Variants in NCKAP5 observed in about 807,000 individuals in gnomAD.
NCKAP5 encodes NCK associated protein 5.
Under a neutral mutation model 167.0 loss-of-function variants are expected in NCKAP5, and 92 were observed. The observed-to-expected ratio is 0.55, with a 90% CI of 0.47 to 0.66. NCKAP5 has a LOEUF of 0.66. Among genes scored for constraint, NCKAP5 ranks in the 30% least tolerant of loss-of-function variants. The pLI, the probability that NCKAP5 is intolerant of heterozygous loss-of-function variation, is 0.00. For missense variants in NCKAP5, 2,378 were observed against 2,315.0 expected (o/e 1.03, Z -0.56); for synonymous variants, 891 against 877.4 (o/e 1.02, Z -0.27).
At chr2:133,647,376 A>AAAGG in the NCKAP5 span, among the ~76,000 whole-genome samples, 14,136 of 82,292 alleles carry the variant, frequency 0.17, 1,626 homozygotes, top group East Asian at 0.21. Flanking sequence ...AGGAAGAAAG[A>AAAGG]AAGGAAGGAA....
chr2:132,707,447 C>G (rs1688469742), intron 19 of NCKAP5, among the ~76,000 whole-genome samples: 1 of 152,210 alleles, frequency 6.6e-6, no homozygotes, highest in African/African-American at 2.4e-5. Context: ...AGGACTGCAA[C>G]TCTTGGGCAA....
intron 11 of NCKAP5, among the ~76,000 whole-genome samples, chr2:132,800,946 C>CT (rs1684983783): frequency 6.6e-6 from 1 of 152,200 alleles, no homozygotes; most frequent in South Asian, 2.1e-4. Context: ...CCTTGGCCCT[C>CT]TTCTTTCTGG....
chr2:132,706,073 G>A (rs1008923752), intron 19 of NCKAP5, among the ~76,000 whole-genome samples: 1 of 151,872 alleles, frequency 6.6e-6, no homozygotes, highest in African/African-American at 2.4e-5. Context: ...TACAAATATA[G>A]TTATATACAT....
intron 6 of NCKAP5, among the ~76,000 whole-genome samples, chr2:133,056,271 C>G (rs2079798030): frequency 6.6e-6 from 1 of 152,090 alleles, no homozygotes; most frequent in South Asian, 2.1e-4. Context: ...TTCCTAAATT[C>G]CAACATTCAT....
chr2:133,049,562 AAAAAAG>A (rs2079534143), intron 6 of NCKAP5, among the ~76,000 whole-genome samples: 1 of 151,952 alleles, frequency 6.6e-6, no homozygotes, highest in African/African-American at 2.4e-5. Flanking sequence ...AAAAAAAAAA[AAAAAAG>A]AATGGGCACA....
intron 11 of NCKAP5, among the ~76,000 whole-genome samples, chr2:132,814,021 G>T (rs1023042448): frequency 6.6e-6 from 1 of 152,138 alleles, no homozygotes; most frequent in African/African-American, 2.4e-5. Context: ...TCAATGTCCT[G>T]GTTTTACTAG....
intron 3 of NCKAP5, among the ~76,000 whole-genome samples, chr2:133,513,277 G>T (rs1428375639): frequency 6.6e-6 from 1 of 152,208 alleles, no homozygotes; most frequent in African/African-American, 2.4e-5. Context: ...GTTCTGGGGA[G>T]AGGGTTGTCC....
chr2:133,618,102 T>A, the NCKAP5 span, among the ~76,000 whole-genome samples: 1 of 150,802 alleles, frequency 6.6e-6, no homozygotes, highest in Non-Finnish European at 1.5e-5. Context: ...GCTAGCCATA[T>A]GTAGAAAGCT....
In NCKAP5 at chr2:132,783,122, T is replaced by C; in HGVS notation, c.3689A>G (p.Gln1230Arg). 6.2e-7 allele frequency: 1 copy of C among 1,613,700 alleles called. No homozygotes were observed. Among genetic ancestry groups the C allele is most frequent in the Non-Finnish European group, 8.5e-7 (1 of 1,179,790 alleles). The change falls in exon 14 of 20, where the codon CAA becomes CGA. Residue 1230 changes from glutamine (Q) to arginine (R), a missense_variant. This residue lies in a region of NCKAP5 where 1,325 missense variants were observed against 1,274.5 expected (regional missense o/e 1.04). Coordinates refer to ENST00000409261, the MANE Select transcript of NCKAP5 (RefSeq NM_207363.3). ...AGGGATGCTACTTTCCAATGGCTCT[T>C]GTAGTGCTGTTTCCAGGGGAAGCCC... is the stretch of plus-strand genomic sequence containing the variant. ...ADGLPLETAL[Q>R]EPLESSIPGS...
In NCKAP5 at chr2:132,736,826, C is replaced by A. The variant is rs532443352; in HGVS notation, c.5129-4775G>T. 8.1e-4 allele frequency among the ~76,000 whole-genome samples: 124 copies of A among 152,148 alleles called. 1 individual carries two copies. The highest frequency in any genetic ancestry group is 2.5e-3 in the Admixed American group (38 of 15,256). The stretch of plus-strand genomic sequence containing the variant: ...GAAACAAAATGAAAAACAAAAAAAA[C>A]CCCACAAATGTAAGTTCACATTTCT... On this transcript the variant is annotated intron_variant, in intron 16 of 19. Coordinates refer to ENST00000409261, the MANE Select transcript of NCKAP5 (RefSeq NM_207363.3).
At chr2:133,328,567 A>G (rs537464232) in intron 3 of NCKAP5, among the ~76,000 whole-genome samples, 7 of 152,326 alleles carry the variant, frequency 4.6e-5, no homozygotes, top group African/African-American at 1.7e-4. Flanking sequence ...AGTCCTTGAC[A>G]TCCTTTGAGA....
At chr2:133,061,908 T>C (rs1242373046) in intron 6 of NCKAP5, among the ~76,000 whole-genome samples, 1 of 152,160 alleles carries the variant, frequency 6.6e-6, no homozygotes, top group Non-Finnish European at 1.5e-5. Context: ...CCACTAGGTT[T>C]CATTTAAAAC....
At chr2:132,867,827 C>T (rs865829111) in intron 10 of NCKAP5, among the ~76,000 whole-genome samples, 2 of 152,266 alleles carry the variant, frequency 1.3e-5, no homozygotes, top group Non-Finnish European at 1.5e-5. Flanking sequence ...TAACCCACCT[C>T]ATTATGGATC....
intron 6 of NCKAP5, among the ~76,000 whole-genome samples, chr2:133,070,173 A>G (rs2149548576): frequency 6.6e-6 from 1 of 152,290 alleles, no homozygotes; most frequent in South Asian, 2.1e-4. Context: ...CTTTTTGTAA[A>G]AGGTGGTATG....
At chr2:132,887,836 G>C (rs913408840) in intron 8 of NCKAP5, among the ~76,000 whole-genome samples, 1 of 152,154 alleles carries the variant, frequency 6.6e-6, no homozygotes. Context: ...TTTTTGTAGA[G>C]ATAAGGTATT....
intron 4 of NCKAP5, among the ~76,000 whole-genome samples, chr2:133,236,558 A>G (rs1190116578): frequency 6.6e-6 from 1 of 152,240 alleles, no homozygotes; most frequent in South Asian, 2.1e-4. Context: ...GAGATACAGC[A>G]TATTTCATAG....
At chr2:132,675,100 C>T (rs1339384169) in intron 19 of NCKAP5, among the ~76,000 whole-genome samples, 1 of 152,192 alleles carries the variant, frequency 6.6e-6, no homozygotes, top group African/African-American at 2.4e-5. Flanking sequence ...ATTTTTCTTG[C>T]CTATTTCTCA....
chr2:133,077,664 G>T (rs763646336), intron 6 of NCKAP5, among the ~76,000 whole-genome samples: 2 of 152,172 alleles, frequency 1.3e-5, no homozygotes, highest in African/African-American at 4.8e-5. Context: ...AACACAAGGG[G>T]ACGCAAAACT....
At chr2:133,126,239 C>A (rs2082400159) in intron 6 of NCKAP5, among the ~76,000 whole-genome samples, 2 of 152,208 alleles carry the variant, frequency 1.3e-5, no homozygotes, top group Admixed American at 6.5e-5. Flanking sequence ...GAAGCTGAGA[C>A]TGGGAATCCC....
Sources: allele counts gnomAD v4.1 joint callset (sites outside exome capture counted in the v4.1 genomes callset), GRCh38; gene constraint gnomAD v4.1.1; regional missense constraint gnomAD v4.1.1; transcripts MANE v1.5; gene names NCBI Gene and HGNC (gene_info 2026-07-23, HGNC 2026-07-21).